The following CDC42BPA variants were observed in gnomAD, a reference collection of about 807,000 sequenced individuals.
CDC42BPA encodes the protein serine/threonine-protein kinase MRCK alpha.
A neutral mutation model predicts 223.5 loss-of-function variants in CDC42BPA; 80 were observed. That is an observed-to-expected ratio of 0.36 (90% CI 0.30 to 0.43). The LOEUF (loss-of-function observed/expected upper bound fraction) is 0.43, where lower values mean the gene tolerates loss of function less well. Among genes scored for constraint, CDC42BPA ranks in the 20% least tolerant of loss-of-function variants. The probability of loss-of-function intolerance (pLI) is 1.00; values close to 1 mark genes in which losing one functional copy is unlikely to be tolerated. For synonymous variants in CDC42BPA, 694 were observed against 718.6 expected (o/e 0.97, Z 0.55); for missense variants, 1,743 against 2,099.9 (o/e 0.83, Z 3.32).
At chr1:227,037,098 G>A (rs890658778) in intron 24 of CDC42BPA, among the ~76,000 whole-genome samples, 3 of 152,146 alleles carry the variant, frequency 2.0e-5, no homozygotes, top group African/African-American at 4.8e-5. Flanking sequence ...AAAATGACAT[G>A]GGACTTAAAG....
chr1:227,196,460 C>A (rs534055115), intron 4 of CDC42BPA, among the ~76,000 whole-genome samples: 13 of 151,064 alleles, frequency 8.6e-5, no homozygotes, highest in African/African-American at 3.2e-4. Flanking sequence ...CTGCCTCAGC[C>A]TCCCCAGTAC....
intron 16 of CDC42BPA, among the ~76,000 whole-genome samples, chr1:227,090,438 G>A (rs183706825): frequency 6.6e-6 from 1 of 152,040 alleles, no homozygotes; most frequent in East Asian, 1.9e-4. Context: ...GAAAATACTA[G>A]ATATCATTAT....
At chr1:227,038,971 TA>T (rs1670848071) in intron 24 of CDC42BPA, among the ~76,000 whole-genome samples, 1 of 152,210 alleles carries the variant, frequency 6.6e-6, no homozygotes, top group Admixed American at 6.5e-5. Flanking sequence ...TTGAGAAATA[TA>T]GCCAAAGCTT....
intron 16 of CDC42BPA, among the ~76,000 whole-genome samples, chr1:227,084,865 G>T (rs1290618937): frequency 1.5e-5 from 2 of 137,526 alleles, no homozygotes; most frequent in Non-Finnish European, 3.2e-5. Context: ...TGAATTGGGA[G>T]AGTGAGAGAA....
At chr1:227,210,712 A>G (rs1436660336) in intron 3 of CDC42BPA, among the ~76,000 whole-genome samples, 1 of 152,232 alleles carries the variant, frequency 6.6e-6, no homozygotes, top group Non-Finnish European at 1.5e-5. Context: ...CTGAAACAGT[A>G]AACTGACTAC....
rs1216945932 is a variant in CDC42BPA at position 227,193,891 on chromosome 1, AG to A, written c.493del (p.Leu165TyrfsTer22). On this transcript the variant is annotated frameshift_variant, in exon 5 of 37. Coordinates refer to ENST00000366766, the MANE Select transcript of CDC42BPA (RefSeq NM_001394014.1). LOFTEE classifies it high-confidence loss of function. Reference sequence around the variant, plus strand: ...CAATCTATCTTCAAATTTGCTGAGTAGAGTAAGCAAATCCCCACCAACATAA... The same window carrying A: ...CAATCTATCTTCAAATTTGCTGAGTAAGTAAGCAAATCCCCACCAACATAA... ...DYYVGGDLLT[L>X]LSKFEDRLPE... 6.2e-7 allele frequency: 1 copy of A among 1,612,626 alleles called. No homozygotes were observed. The highest frequency in any genetic ancestry group is 1.7e-5 in the Admixed American group (1 of 59,936).
chr1:227,056,387 C>CT (rs1201642935), intron 21 of CDC42BPA, among the ~76,000 whole-genome samples: 1 of 136,394 alleles, frequency 7.3e-6, no homozygotes, highest in Admixed American at 7.2e-5. Flanking sequence ...CTTTTCTTTT[C>CT]TTTTCTTTTT....
chr1:227,094,305 G>A (rs1008857100), intron 15 of CDC42BPA, among the ~76,000 whole-genome samples: 1 of 152,192 alleles, frequency 6.6e-6, no homozygotes, highest in African/African-American at 2.4e-5. Context: ...ATCACCTCTT[G>A]AGGCCACTTG....
In CDC42BPA at chr1:227,074,028, T is replaced by A; in HGVS notation, c.2587-16A>T. The A allele has an allele frequency of 6.2e-7, 1 of 1,605,988 alleles. No individual in the cohort carries two copies. The highest frequency in any genetic ancestry group is 8.5e-7 in the Non-Finnish European group (1 of 1,177,784). Reference sequence around the variant, plus strand: ...AGGGCATATCCTATGAAATAATGACTGTGTTTTTAGTTCCATCCTATTTTT... The same window carrying A: ...AGGGCATATCCTATGAAATAATGACAGTGTTTTTAGTTCCATCCTATTTTT... On this transcript the variant is annotated splice_polypyrimidine_tract_variant and intron_variant, in intron 18 of 36. Coordinates refer to ENST00000366766, the MANE Select transcript of CDC42BPA (RefSeq NM_001394014.1).
intron 5 of CDC42BPA, among the ~76,000 whole-genome samples, chr1:227,166,082 A>T (rs561284803): frequency 6.6e-6 from 1 of 152,360 alleles, no homozygotes; most frequent in South Asian, 2.1e-4. Context: ...AAGCACCATG[A>T]TGTTAAAATG....
chr1:227,120,879 G>A (rs1688547695), intron 11 of CDC42BPA, among the ~76,000 whole-genome samples: 1 of 152,152 alleles, frequency 6.6e-6, no homozygotes, highest in African/African-American at 2.4e-5. Context: ...CAGGAGTCCG[G>A]GAGATGGTTT....
intron 11 of CDC42BPA, among the ~76,000 whole-genome samples, chr1:227,127,678 T>A (rs17546688): frequency 0.1 from 15,471 of 152,182 alleles, 1,088 homozygotes; most frequent in Non-Finnish European, 0.15. Context: ...CAATCTACAA[T>A]AACTTACTTT....
intron 10 of CDC42BPA, among the ~76,000 whole-genome samples, chr1:227,133,553 C>T (rs1010211947): frequency 6.6e-6 from 1 of 152,168 alleles, no homozygotes; most frequent in African/African-American, 2.4e-5. Context: ...ATTGAGAAAT[C>T]GGATGGTTGC....
intron 23 of CDC42BPA, among the ~76,000 whole-genome samples, chr1:227,045,076 CG>C (rs941866379): frequency 2.0e-5 from 3 of 152,280 alleles, no homozygotes; most frequent in Non-Finnish European, 4.4e-5. Context: ...TTCTCTTAAC[CG>C]GTCTGTGTAC....
At chr1:227,199,785 A>G in intron 3 of CDC42BPA, 133 bp from the exon 4 acceptor site, 1 of 463,304 alleles carries the variant, frequency 2.2e-6, no homozygotes, top group Non-Finnish European at 3.7e-6. Flanking sequence ...CATTTCAATA[A>G]CACAAGTTTC....
At chr1:227,158,481 T>TA (rs1663238250) in intron 6 of CDC42BPA, among the ~76,000 whole-genome samples, 1 of 152,056 alleles carries the variant, frequency 6.6e-6, no homozygotes, top group Non-Finnish European at 1.5e-5. Context: ...TGTAAGCACA[T>TA]AAAAAAATTA....
chr1:227,178,431 A>T lies in CDC42BPA; in HGVS notation c.599+15355T>A, dbSNP rs150386520. 1.4e-4 allele frequency: 22 copies of T among 153,166 alleles called. No homozygotes were observed. In the East Asian group the frequency reaches 4.0e-3, roughly 28 times the overall value. 9.5% of individuals were successfully genotyped at this position (153,166 alleles called of 1,614,324 possible). On this transcript the variant is annotated intron_variant, in intron 5 of 36. Coordinates refer to ENST00000366766, the MANE Select transcript of CDC42BPA (RefSeq NM_001394014.1). ...TTGTGAGGCTTCTCCAGCCACGTGG[A>T]ACTGTAAGTCCAATTAAACCTCTTT... is the stretch of plus-strand genomic sequence containing the variant.
At chr1:227,023,545 G>A (rs904081071) in intron 31 of CDC42BPA, among the ~76,000 whole-genome samples, 198 bp from the exon 32 acceptor site, 1 of 152,110 alleles carries the variant, frequency 6.6e-6, no homozygotes, top group African/African-American at 2.4e-5. Flanking sequence ...AACTTGCAAT[G>A]ATAATATTTT....
At chr1:227,028,009 A>C (rs1668583961) in intron 30 of CDC42BPA, among the ~76,000 whole-genome samples, 1 of 151,844 alleles carries the variant, frequency 6.6e-6, no homozygotes, top group African/African-American at 2.4e-5. Flanking sequence ...TGTCCCAGCT[A>C]CTCGGGAGGC....
Sources: gnomAD v4.1 joint callset for allele counts (sites outside exome capture counted in the v4.1 genomes callset) on GRCh38, gnomAD v4.1.1 for gene constraint, MANE v1.5 for transcripts, NCBI Gene and HGNC (gene_info 2026-07-23, HGNC 2026-07-21) for gene names.